The following PRDM16 variants were observed in gnomAD, a reference collection of about 807,000 sequenced individuals.
PRDM16 encodes histone-lysine N-methyltransferase PRDM16.
Under a neutral mutation model 110.6 loss-of-function variants are expected in PRDM16, and 23 were observed. That is an observed-to-expected ratio of 0.21 (90% confidence interval 0.15 to 0.29). The LOEUF is 0.29. Among genes scored for constraint, PRDM16 ranks in the 10% least tolerant of loss-of-function variants. The pLI is 1.00. For synonymous variants in PRDM16, 799 were observed against 781.8 expected (o/e 1.02, Z -0.37); for missense variants, 1,615 against 1,794.3 (o/e 0.90, Z 1.81).
rs1643531325 is a variant in PRDM16 at position 3,404,760 on chromosome 1, C to T, written c.906C>T (p.Ile302=). The T allele has an allele frequency of 1.2e-6, 2 of 1,613,534 alleles. No homozygotes were observed. Among genetic ancestry groups the T allele is most frequent in the Non-Finnish European group, 1.7e-6 (2 of 1,179,968 alleles). Residue 302 remains isoleucine (I), a synonymous_variant, in exon 7 of 17, where the codon ATC becomes ATT. Transcript: ENST00000270722. ...GCAGCCTGGAGCAGCACATGGTCAT[C>T]CACACGGAGGAGCGCGAGTACAAAT... ...NKYSLEQHMV[I]HTEEREYKCD...
intron 3 of PRDM16, among the ~76,000 whole-genome samples, chr1:3,330,874 C>A (rs1339724904): frequency 3.3e-5 from 5 of 152,238 alleles, no homozygotes; most frequent in African/African-American, 9.6e-5. Flanking sequence ...CTGCCTCCAG[C>A]CAGAGACTTT....
At chr1:3,225,605 A>C (rs1002386039) in intron 2 of PRDM16, among the ~76,000 whole-genome samples, 5 of 151,546 alleles carry the variant, frequency 3.3e-5, no homozygotes, top group Admixed American at 3.3e-4. Context: ...AACGCAAGGA[A>C]GATCAGTTAA....
chr1:3,319,627 C>A (rs376643675), intron 3 of PRDM16, among the ~76,000 whole-genome samples: 1 of 152,110 alleles, frequency 6.6e-6, no homozygotes, highest in African/African-American at 2.4e-5. Flanking sequence ...AGGCGTCAGG[C>A]GCTCCTCTCT....
intron 3 of PRDM16, among the ~76,000 whole-genome samples, chr1:3,317,414 G>A (rs919060612): frequency 4.5e-4 from 69 of 152,224 alleles, no homozygotes; most frequent in African/African-American, 1.2e-3. Flanking sequence ...GCCGCTGCAC[G>A]ATGCTGGCTT....
chr1:3,317,484 C>T (rs1204535217), intron 3 of PRDM16, among the ~76,000 whole-genome samples: 1 of 152,224 alleles, frequency 6.6e-6, no homozygotes, highest in East Asian at 1.9e-4. Context: ...ATGAGGCCGT[C>T]GGAAGTCTCC....
intron 1 of PRDM16, among the ~76,000 whole-genome samples, chr1:3,117,978 G>A (rs1291310515): frequency 1.3e-5 from 2 of 152,052 alleles, no homozygotes; most frequent in Admixed American, 6.6e-5. Flanking sequence ...CTCATGCTGT[G>A]TGTGTGTACA....
At chr1:3,187,443 G>T (rs922501623) in intron 2 of PRDM16, among the ~76,000 whole-genome samples, 1 of 152,172 alleles carries the variant, frequency 6.6e-6, no homozygotes, top group Non-Finnish European at 1.5e-5. Flanking sequence ...TGGGGGCAGG[G>T]TCCTGTGTCT....
At chr1:3,070,857 G>T (rs1266941526) in intron 1 of PRDM16, among the ~76,000 whole-genome samples, 2 of 152,214 alleles carry the variant, frequency 1.3e-5, no homozygotes, top group Non-Finnish European at 1.5e-5. Context: ...GGCCGTTCCC[G>T]GCCCCTGGGT....
At chr1:3,299,337 T>G (rs2455140) in intron 3 of PRDM16, among the ~76,000 whole-genome samples, 4,314 of 67,636 alleles carry the variant, frequency 0.064, 263 homozygotes, top group East Asian at 0.1. Flanking sequence ...ACTCTGCCCT[T>G]GTTGAAGATG....
intron 3 of PRDM16, among the ~76,000 whole-genome samples, chr1:3,283,564 A>C (rs956888285): frequency 3.9e-5 from 6 of 152,068 alleles, no homozygotes; most frequent in African/African-American, 1.4e-4. Flanking sequence ...ACGGACAGCG[A>C]AGGGTTACGG....
chr1:3,277,223 C>T (rs926432247), intron 3 of PRDM16, among the ~76,000 whole-genome samples: 10 of 152,170 alleles, frequency 6.6e-5, no homozygotes, highest in Admixed American at 6.5e-4. Context: ...TGGACGTGGC[C>T]GGCCCCATGC....
chr1:3,362,339 A>G (rs891268733), intron 3 of PRDM16, among the ~76,000 whole-genome samples: 3 of 148,194 alleles, frequency 2.0e-5, no homozygotes, highest in Admixed American at 6.8e-5. Context: ...TGGGACACCC[A>G]GGCGTCCTTC....
chr1:3,391,155 T>C (rs887139185), intron 4 of PRDM16, among the ~76,000 whole-genome samples: 3 of 152,138 alleles, frequency 2.0e-5, no homozygotes, highest in African/African-American at 7.2e-5. Flanking sequence ...TTTTTTTAAA[T>C]TAAAAATCAT....
chr1:3,229,656 C>A (rs1282955914), intron 2 of PRDM16, among the ~76,000 whole-genome samples: 1 of 152,210 alleles, frequency 6.6e-6, no homozygotes, highest in South Asian at 2.1e-4. Context: ...GGTCACTGAA[C>A]CTGCTGTCCG....
chr1:3,355,514 C>T (rs577370721), intron 3 of PRDM16, among the ~76,000 whole-genome samples: 1 of 152,198 alleles, frequency 6.6e-6, no homozygotes, highest in African/African-American at 2.4e-5. Context: ...CTGCTGGTTG[C>T]AGCTCTTGTT....
At chr1:3,327,673 G>A (rs1214520285) in intron 3 of PRDM16, among the ~76,000 whole-genome samples, 9 of 151,842 alleles carry the variant, frequency 5.9e-5, no homozygotes, top group African/African-American at 2.2e-4. Context: ...TGGGCACAGT[G>A]GATGATGGCG....
intron 2 of PRDM16, among the ~76,000 whole-genome samples, chr1:3,188,137 T>C (rs924574277): frequency 1.3e-5 from 2 of 152,186 alleles, no homozygotes; most frequent in Non-Finnish European, 2.9e-5. Context: ...TTTCTAGCAA[T>C]ATTCATCTTT....
rs1389153213 is a variant in PRDM16 at position 3,255,931 on chromosome 1, C to T, written c.438+11794C>T. Among the ~76,000 whole-genome samples the T allele has an allele frequency of 4.6e-5, 7 of 152,118 alleles. No individual in the cohort carries two copies. The highest frequency in any genetic ancestry group is 7.2e-5 in the African/African-American group (3 of 41,398). ...CCGCACCGACACCTGAAGCCAATCC[C>T]GTGGCCACACCAACAGTACAGGGTG... is the stretch of plus-strand genomic sequence containing the variant. On this transcript the variant is annotated intron_variant, in intron 3 of 16. Coordinates refer to ENST00000270722, the MANE Select transcript of PRDM16 (RefSeq NM_022114.4). The surrounding 1 kb of genome is among the most constrained non-coding windows in gnomAD (Gnocchi z 4.7).
At chr1:3,202,932 C>T (rs182972281) in intron 2 of PRDM16, among the ~76,000 whole-genome samples, 345 of 152,312 alleles carry the variant, frequency 2.3e-3, no homozygotes, top group Admixed American at 3.9e-3. Context: ...AGACGAAGAA[C>T]GTGGCGGTTG....
Sources: allele counts gnomAD v4.1 joint callset (sites outside exome capture counted in the v4.1 genomes callset), GRCh38; gene constraint gnomAD v4.1.1; non-coding constraint Gnocchi (gnomAD v3.1); transcripts MANE v1.5; gene names NCBI Gene and HGNC (gene_info 2026-07-23, HGNC 2026-07-21).